ACACA: variants seen among roughly 807,000 people sequenced by gnomAD.
ACACA encodes acetyl-CoA carboxylase 1.
Under a neutral mutation model 296.1 loss-of-function variants are expected in ACACA, and 103 were observed. The observed-to-expected ratio is 0.35, with a 90% CI of 0.30 to 0.41. ACACA has a LOEUF of 0.41. Among genes scored for constraint, ACACA ranks in the 10% least tolerant of loss-of-function variants. The pLI is 1.00. For synonymous variants in ACACA, 953 were observed against 1,038.6 expected (o/e 0.92, Z 1.58); for missense variants, 1,554 against 2,989.7 (o/e 0.52, Z 11.20).
intron 16 of ACACA, among the ~76,000 whole-genome samples, chr17:37,249,867 C>T (rs1019380988): frequency 2.0e-5 from 3 of 152,116 alleles, no homozygotes; most frequent in Non-Finnish European, 4.4e-5. Flanking sequence ...TGGGACGGAC[C>T]CAGTGGGAGA....
chr17:37,146,853 C>A (rs1009743623), intron 45 of ACACA, among the ~76,000 whole-genome samples: 1 of 150,584 alleles, frequency 6.6e-6, no homozygotes, highest in African/African-American at 2.4e-5. Context: ...CCCCAACCCC[C>A]CTTCCTGCAA....
chr17:37,370,367 C>T (rs897684239), intron 1 of ACACA, among the ~76,000 whole-genome samples: 1 of 151,352 alleles, frequency 6.6e-6, no homozygotes, highest in Admixed American at 6.6e-5. Flanking sequence ...AATTTCCAGC[C>T]CAGACGCGGT....
chr17:37,381,741 C>T (rs371973212), intron 1 of ACACA, among the ~76,000 whole-genome samples: 2 of 151,088 alleles, frequency 1.3e-5, no homozygotes, highest in Non-Finnish European at 2.9e-5. Context: ...CATTCTCCTG[C>T]CTCAGCCTCC....
intron 45 of ACACA, chr17:37,144,505 G>C (rs1597960992): frequency 4.5e-6 from 1 of 224,172 alleles, no homozygotes; most frequent in East Asian, 1.2e-4. Context: ...GGTGAGCATG[G>C]AGACTACACA....
In ACACA at chr17:37,283,447, A is replaced by C. The variant is rs1038126080; in HGVS notation, c.472-42T>G. 4.4e-6 allele frequency: 7 copies of C among 1,607,434 alleles called. No homozygotes were observed. In the Admixed American group the frequency reaches 6.7e-5, roughly 15 times the overall value. Reference sequence around the variant, plus strand: ...GATGGGAATGGGAAGAAAAGGCAGAAAAAAGCAACAATGGAGGAAAAGAGA... The same window carrying C: ...GATGGGAATGGGAAGAAAAGGCAGACAAAAGCAACAATGGAGGAAAAGAGA... On this transcript the variant is annotated intron_variant, in intron 4 of 55. Coordinates refer to ENST00000616317, the MANE Select transcript of ACACA (RefSeq NM_198834.3).
At chr17:37,178,530 T>A (rs1439227995) in intron 41 of ACACA, among the ~76,000 whole-genome samples, 3 of 152,230 alleles carry the variant, frequency 2.0e-5, no homozygotes, top group Non-Finnish European at 4.4e-5. Flanking sequence ...AAATCCTGGC[T>A]GGGCACAATG....
intron 41 of ACACA, among the ~76,000 whole-genome samples, chr17:37,174,445 A>G (rs547857358): frequency 6.6e-6 from 1 of 152,280 alleles, no homozygotes; most frequent in East Asian, 1.9e-4. Context: ...GCCCATCTGA[A>G]AAAATGAAGG....
rs570177871 is a variant in ACACA at position 37,166,277 on chromosome 17, C to T, written c.5080-4227G>A. 9.9e-4 allele frequency among the ~76,000 whole-genome samples: 151 copies of T among 151,946 alleles called. 1 individual carries two copies. Among genetic ancestry groups the T allele is most frequent in the African/African-American group, 3.5e-3 (145 of 41,436 alleles). On this transcript the variant is annotated intron_variant, in intron 41 of 55. Transcript: ENST00000616317. Reference sequence around the variant, plus strand: ...CCTCCTGTGTAGCTGGGACCACAGGCATGTGTGTTACCACCATGCCCAGCT... The same window carrying T: ...CCTCCTGTGTAGCTGGGACCACAGGTATGTGTGTTACCACCATGCCCAGCT...
chr17:37,128,024 CAAAAAAAAAAAAAAAAAA>C (rs1173864454), intron 47 of ACACA, among the ~76,000 whole-genome samples: 9 of 39,742 alleles, frequency 2.3e-4, no homozygotes, highest in Middle Eastern at 0.019. Flanking sequence ...AACTCCATCT[CAAAAAAAAAAAAAAAAAA>C]AAAAAAAAAA....
rs117320352 is a variant in ACACA, at chr17:37,284,425, G to A, written c.471+413C>T. Reference sequence around the variant, plus strand: ...TGTCAGATCAGTGCAGCCCCACCCTGTAAAACCACAAGATCTTTCAAAAAC... The same window carrying A: ...TGTCAGATCAGTGCAGCCCCACCCTATAAAACCACAAGATCTTTCAAAAAC... On this transcript the variant is annotated intron_variant, in intron 4 of 55. Transcript: ENST00000616317. Among the ~76,000 whole-genome samples the A allele has an allele frequency of 5.3e-5, 8 of 152,176 alleles. No individual in the cohort carries two copies. The East Asian group carries it at 1.4e-3, about 26-fold the overall frequency.
intron 14 of ACACA, among the ~76,000 whole-genome samples, chr17:37,254,829 A>G (rs1267502571): frequency 6.6e-6 from 1 of 151,982 alleles, no homozygotes; most frequent in South Asian, 2.1e-4. Flanking sequence ...CTACAAATAC[A>G]AAAACTAGCT....
intron 1 of ACACA, among the ~76,000 whole-genome samples, chr17:37,398,570 G>A: frequency 7.6e-6 from 1 of 132,178 alleles, no homozygotes; most frequent in Non-Finnish European, 1.6e-5. Context: ...TGGGATTACA[G>A]GCGTGAGCCA....
At chr17:37,194,788 T>C (rs762536467) in intron 35 of ACACA, among the ~76,000 whole-genome samples, 1 of 152,216 alleles carries the variant, frequency 6.6e-6, no homozygotes, top group Non-Finnish European at 1.5e-5. Context: ...TTTTCCTTGG[T>C]ATTTTAACTG....
chr17:37,141,235 T>C (rs989717267), intron 45 of ACACA: 14 of 586,980 alleles, frequency 2.4e-5, no homozygotes, highest in East Asian at 1.3e-4. Context: ...GGAGAAGAGA[T>C]AGATCTCCTC....
At chr17:37,150,043 A>C in intron 44 of ACACA, 69 bp from the exon 45 acceptor site, 1 of 1,392,378 alleles carries the variant, frequency 7.2e-7, no homozygotes, top group Non-Finnish European at 1.0e-6. Flanking sequence ...ACTAAGGCAT[A>C]GATAAGTAAA....
chr17:37,282,036 T>C (rs2146569348), intron 5 of ACACA, among the ~76,000 whole-genome samples: 1 of 152,284 alleles, frequency 6.6e-6, no homozygotes, highest in Middle Eastern at 3.4e-3. Flanking sequence ...TAACATGATA[T>C]AGTTTGAATG....
At chr17:37,133,600 C>T (rs2075201448) in intron 45 of ACACA, among the ~76,000 whole-genome samples, 1 of 152,144 alleles carries the variant, frequency 6.6e-6, no homozygotes, top group African/African-American at 2.4e-5. Flanking sequence ...TACAGAAAAA[C>T]CTGGGGTCAA....
intron 1 of ACACA, among the ~76,000 whole-genome samples, chr17:37,344,150 C>T (rs1290060321): frequency 6.6e-6 from 1 of 151,698 alleles, no homozygotes; most frequent in Non-Finnish European, 1.5e-5. Context: ...ACCTCTAGGC[C>T]AGGTGTGGTG....
chr17:37,291,279 G>A (rs1328046557), intron 3 of ACACA, among the ~76,000 whole-genome samples: 2 of 151,692 alleles, frequency 1.3e-5, no homozygotes, highest in African/African-American at 2.4e-5. Context: ...GGGTTCAAGC[G>A]ATTCTCCTGC....
Sources: allele counts gnomAD v4.1 joint callset (sites outside exome capture counted in the v4.1 genomes callset), GRCh38; gene constraint gnomAD v4.1.1; transcripts MANE v1.5; gene names NCBI Gene and HGNC (gene_info 2026-07-23, HGNC 2026-07-21).